PARP9: variants seen among roughly 807,000 people sequenced by gnomAD.
PARP9 encodes poly(ADP-ribose) polymerase family member 9.
In PARP9, 48 loss-of-function variants were observed where a neutral mutation model predicts 68.8. That is an observed-to-expected ratio of 0.70 (90% CI 0.55 to 0.89). The LOEUF is 0.89. Ranked by LOEUF, PARP9 falls within the 40% of genes least tolerant of loss-of-function variation. PARP9 has a pLI of 0.00. For synonymous variants in PARP9, 309 were observed against 333.8 expected, an observed-to-expected ratio of 0.93 and a Z score of 0.81; for missense variants, 806 against 969.3, an observed-to-expected ratio of 0.83 and a Z score of 2.24.
At chr3:122,540,888 G>A (rs2078155552) in intron 7 of PARP9, 36 bp from the exon 8 acceptor site, 1 of 1,521,654 alleles carries the variant, frequency 6.6e-7, no homozygotes. Flanking sequence ...TGGAAGACTA[G>A]CAGTTTTTTG....
intron 1 of PARP9, among the ~76,000 whole-genome samples, chr3:122,562,341 C>A (rs1383463096): frequency 6.7e-6 from 1 of 148,486 alleles, no homozygotes; most frequent in Admixed American, 6.7e-5. Context: ...CACCACCACG[C>A]CTGGCTAATT....
At chr3:122,534,891 T>A in intron 10 of PARP9, 1 of 953,432 alleles carries the variant, frequency 1.0e-6, no homozygotes, top group Non-Finnish European at 1.2e-6. Flanking sequence ...AATAAATAAA[T>A]AAATAAAGAG....
At position 122,556,016 on chromosome 3, in the gene PARP9, T is replaced by G. The variant is rs781491498; in HGVS notation, c.155A>C (p.Asn52Thr). The G allele has an allele frequency of 8.1e-6, 13 of 1,613,806 alleles. No individual in the cohort carries two copies. The East Asian group carries it at 1.8e-4, about 22-fold the overall frequency. ...NERQLCEVLQ[N>T]KFGCISTLVS... ...CAGGGTAGAGATACAGCCAAACTTA[T>G]TCTGGAGGACTTCACACAGCTGACG... The change falls in exon 4 of 11, where the codon AAT (asparagine) becomes ACT (threonine). Residue 52 changes from asparagine (N) to threonine (T), a missense_variant. Around this residue, in one of 2 missense-constraint regions of PARP9, gnomAD observed 126 missense variants for 110.5 expected, o/e 1.14. Coordinates refer to ENST00000682323, the MANE Select transcript of PARP9 (RefSeq NM_001146105.2).
intron 1 of PARP9, 139 bp downstream of exon 1, chr3:122,564,106 C>T: frequency 2.9e-6 from 1 of 343,498 alleles, no homozygotes; most frequent in South Asian, 6.4e-5. Flanking sequence ...ACAGGAGAAA[C>T]TTACTTTCTT....
chr3:122,538,068 T>C (rs1369854693), intron 8 of PARP9, among the ~76,000 whole-genome samples: 1 of 152,202 alleles, frequency 6.6e-6, no homozygotes, highest in Non-Finnish European at 1.5e-5. Flanking sequence ...AGGTGACGAA[T>C]TGAGGGGAAC....
chr3:122,540,443 A>G, intron 8 of PARP9, 29 bp downstream of exon 8: 1 of 1,604,300 alleles, frequency 6.2e-7, no homozygotes, highest in Non-Finnish European at 8.5e-7. Flanking sequence ...GGGAGAATTT[A>G]CTTTCTAATT....
At chr3:122,535,193 T>A (rs1277459639) in intron 10 of PARP9, 1 of 985,300 alleles carries the variant, frequency 1.0e-6, no homozygotes, top group East Asian at 1.1e-4. Context: ...AAGACTTTGC[T>A]AATGAAGGGA....
chr3:122,535,177 T>A, intron 10 of PARP9: 2 of 985,362 alleles, frequency 2.0e-6, no homozygotes, highest in Non-Finnish European at 2.4e-6. Flanking sequence ...AAATTATAGA[T>A]TTTTTAAGAC....
chr3:122,528,774 T>G, intron 10 of PARP9, 31 bp from the exon 11 acceptor site: 2 of 1,502,072 alleles, frequency 1.3e-6, no homozygotes, highest in Non-Finnish European at 1.8e-6. Flanking sequence ...ATAAAAAGAT[T>G]ATTATAATCT....
At chr3:122,539,098 G>C (rs1178952947) in intron 8 of PARP9, among the ~76,000 whole-genome samples, 1 of 152,018 alleles carries the variant, frequency 6.6e-6, no homozygotes, top group Admixed American at 6.6e-5. Context: ...ATTCTTTAAG[G>C]TTCCCTATTT....
intron 8 of PARP9, among the ~76,000 whole-genome samples, chr3:122,539,813 C>T (rs2078050492): frequency 6.6e-6 from 1 of 152,124 alleles, no homozygotes; most frequent in African/African-American, 2.4e-5. Context: ...ATGCGCCCAC[C>T]TCGGCCTCCC....
intron 10 of PARP9, among the ~76,000 whole-genome samples, chr3:122,529,751 C>T (rs1334156591): frequency 7.1e-6 from 1 of 140,724 alleles, no homozygotes; most frequent in Non-Finnish European, 1.5e-5. Context: ...GAGACTCCGT[C>T]CCAAAAAAAA....
At position 122,550,747 on chromosome 3, in the gene PARP9, G is replaced by A; in HGVS notation, c.1163C>T (p.Thr388Ile). 4 of 1,614,132 alleles carry A rather than the reference G, an allele frequency of 2.5e-6. No homozygotes were observed. Among genetic ancestry groups the A allele is most frequent in the Non-Finnish European group, 3.4e-6 (4 of 1,180,010 alleles). ...CCCAAGGGCAGGAAAGGAAATGGAA[G>A]TTATATTTTGCTCAATGCATTTTTC... ...CLEKCIEQNI[T>I]SISFPALGTG... Residue 388 changes from threonine to isoleucine, a missense_variant, in exon 6 of 11, where the codon ACT becomes ATT. Around this residue, in one of 2 missense-constraint regions of PARP9, gnomAD observed 680 missense variants for 858.8 expected, o/e 0.79. Transcript: ENST00000682323.
At chr3:122,537,530 A>G (rs2077741985) in intron 8 of PARP9, among the ~76,000 whole-genome samples, 4 of 152,238 alleles carry the variant, frequency 2.6e-5, no homozygotes, top group Admixed American at 2.0e-4. Context: ...TTATAGCACC[A>G]CCACGTAATA....
chr3:122,529,234 TAAAAA>T (rs59705545), intron 10 of PARP9, among the ~76,000 whole-genome samples: 1 of 77,264 alleles, frequency 1.3e-5, no homozygotes, highest in South Asian at 4.3e-4. Context: ...GCGAAACTCT[TAAAAA>T]AAAAAAAAAA....
In PARP9 at chr3:122,555,535, A is replaced by G; in HGVS notation, c.636T>C (p.Pro212=). 6.2e-7 allele frequency: 1 copy of G among 1,614,184 alleles called. No individual in the cohort carries two copies. The highest frequency in any genetic ancestry group is 8.5e-7 in the Non-Finnish European group (1 of 1,180,004). The change falls in exon 4 of 11, where the codon CCT becomes CCC. Residue 212 remains proline (P), a synonymous_variant. Transcript: ENST00000682323. ...PALSSGIFQF[P]LNLCTKTIVE... ...CAATAGTCTTTGTACACAAATTCAG[A>G]GGGAACTGAAAAATCCCAGAGCTCA...
intron 7 of PARP9, among the ~76,000 whole-genome samples, chr3:122,542,836 A>AT (rs2078361937): frequency 6.6e-6 from 1 of 152,138 alleles, no homozygotes; most frequent in Non-Finnish European, 1.5e-5. Context: ...ATTCTTCTAG[A>AT]TAAGTAAATT....
intron 7 of PARP9, among the ~76,000 whole-genome samples, chr3:122,541,991 T>C (rs943653176): frequency 1.3e-5 from 2 of 152,038 alleles, no homozygotes; most frequent in African/African-American, 4.8e-5. Context: ...TTCCTCTGAG[T>C]AAAGATAAAA....
intron 8 of PARP9, among the ~76,000 whole-genome samples, chr3:122,538,778 C>T (rs1011276329): frequency 4.6e-5 from 7 of 152,004 alleles, no homozygotes; most frequent in Admixed American, 3.3e-4. Context: ...GTGTCAGTTT[C>T]AATACCTACA....
Sources: gnomAD v4.1 joint callset for allele counts (sites outside exome capture counted in the v4.1 genomes callset) on GRCh38, gnomAD v4.1.1 for gene constraint, gnomAD v4.1.1 regional missense constraint, MANE v1.5 for transcripts, NCBI Gene and HGNC (gene_info 2026-07-23, HGNC 2026-07-21) for gene names.